Variants in TMEM178B observed in about 807,000 individuals in gnomAD.
TMEM178B encodes the protein transmembrane protein 178B.
In TMEM178B, 5 loss-of-function variants were observed where a neutral mutation model predicts 31.0. The observed-to-expected ratio is 0.16, with a 90% CI of 0.08 to 0.34. The LOEUF is 0.34. Among genes scored for constraint, TMEM178B ranks in the 10% least tolerant of loss-of-function variants. The pLI is 1.00. For synonymous variants in TMEM178B, 164 were observed against 164.0 expected (o/e 1.00, Z 0.00); for missense variants, 275 against 400.3 (o/e 0.69, Z 2.67).
intron 2 of TMEM178B, among the ~76,000 whole-genome samples, chr7:141,340,621 C>T (rs942424953): frequency 6.6e-6 from 1 of 152,200 alleles, no homozygotes; most frequent in Non-Finnish European, 1.5e-5. Context: ...GTTGGTAACA[C>T]AGTCTTCATT....
At chr7:141,312,035 A>G (rs1798918735) in intron 2 of TMEM178B, among the ~76,000 whole-genome samples, 1 of 152,158 alleles carries the variant, frequency 6.6e-6, no homozygotes, top group Admixed American at 6.5e-5. Context: ...TGCCATCCCT[A>G]CCTCAAGGTG....
intron 2 of TMEM178B, among the ~76,000 whole-genome samples, chr7:141,355,338 C>T (rs566141029): frequency 6.6e-6 from 1 of 152,318 alleles, no homozygotes; most frequent in Admixed American, 6.5e-5. Context: ...ACCAGTCAGG[C>T]TTCCCTCCTT....
In TMEM178B at chr7:141,246,567, G is replaced by C. The variant is rs375821672; in HGVS notation, c.496+33863G>C. ...GAATTCAAAATAAGTATTTTTTTAA[G>C]GGGTAGAGAAACCAGAGATGGCTTC... On this transcript the variant is annotated intron_variant, in intron 2 of 3. Transcript: ENST00000565468. Among the ~76,000 whole-genome samples, 22 of 152,226 alleles carry C rather than the reference G, an allele frequency of 1.4e-4. No individual in the cohort carries two copies. The South Asian group carries it at 4.4e-3, about 30-fold the overall frequency.
chr7:141,214,837 AAG>A (rs1797105539), intron 2 of TMEM178B, among the ~76,000 whole-genome samples: 6 of 152,010 alleles, frequency 3.9e-5, no homozygotes, highest in Admixed American at 3.9e-4. Flanking sequence ...TAACTGATAA[AAG>A]CCATCTCAAC....
At chr7:141,211,933 C>G (rs976113921) in intron 1 of TMEM178B, among the ~76,000 whole-genome samples, 3 of 152,198 alleles carry the variant, frequency 2.0e-5, no homozygotes, top group African/African-American at 7.2e-5. Context: ...TGGGACCACA[C>G]TTTGAGAATC....
In TMEM178B at chr7:141,449,477, C is replaced by T. The variant is rs557409592; in HGVS notation, c.634+11732C>T. ...TCTGCCCTCTTGAGGCTTTTTGTCA[C>T]ATCCAATCCTTGATGGCTGAGATGT... On this transcript the variant is annotated intron_variant, in intron 3 of 3. Coordinates refer to ENST00000565468, the MANE Select transcript of TMEM178B (RefSeq NM_001195278.2). 1.3e-3 allele frequency among the ~76,000 whole-genome samples: 196 copies of T among 152,274 alleles called. 1 individual carries two copies. Among genetic ancestry groups the T allele is most frequent in the African/African-American group, 4.4e-3 (184 of 41,552 alleles).
intron 1 of TMEM178B, among the ~76,000 whole-genome samples, chr7:141,162,150 A>T (rs994943609): frequency 6.6e-6 from 1 of 152,192 alleles, no homozygotes; most frequent in South Asian, 2.1e-4. Context: ...CAGGAACTGC[A>T]GAGAAGCCTA....
At chr7:141,382,089 C>T (rs1458595749) in intron 2 of TMEM178B, among the ~76,000 whole-genome samples, 1 of 152,218 alleles carries the variant, frequency 6.6e-6, no homozygotes, top group Non-Finnish European at 1.5e-5. Flanking sequence ...CATTATTCTC[C>T]ATAGGGAGAA....
In TMEM178B at chr7:141,344,459, G is replaced by A. The variant is rs191221221; in HGVS notation, c.497-93149G>A. On this transcript the variant is annotated intron_variant, in intron 2 of 3. Transcript: ENST00000565468. This position sits in a 1 kb window ranked among gnomAD's most constrained non-coding sequence, Gnocchi z 4.1. ...TCTGCTTTATAATGAAAAGTTATAA[G>A]TTTCTCACACATTTTAGGCACTCTT... 6.6e-6 allele frequency among the ~76,000 whole-genome samples: 1 copy of A among 152,298 alleles called. No individual in the cohort carries two copies. Among genetic ancestry groups the A allele is most frequent in the Non-Finnish European group, 1.5e-5 (1 of 68,020 alleles).
At chr7:141,217,879 C>G (rs1797185513) in intron 2 of TMEM178B, among the ~76,000 whole-genome samples, 1 of 152,126 alleles carries the variant, frequency 6.6e-6, no homozygotes, top group African/African-American at 2.4e-5. Context: ...TGGAGCTCTA[C>G]TTTCCTGCAA....
chr7:141,239,654 G>A (rs112538378), intron 2 of TMEM178B, among the ~76,000 whole-genome samples: 69 of 152,300 alleles, frequency 4.5e-4, no homozygotes, highest in African/African-American at 1.5e-3. Flanking sequence ...CACCACAGGG[G>A]GTGATGAGAG....
chr7:141,314,140 C>G (rs1798960658), intron 2 of TMEM178B, among the ~76,000 whole-genome samples: 1 of 152,188 alleles, frequency 6.6e-6, no homozygotes, highest in African/African-American at 2.4e-5. Flanking sequence ...GCTTGGAAAC[C>G]CAGGAGATTT....
chr7:141,240,074 C>T (rs930625824), intron 2 of TMEM178B, among the ~76,000 whole-genome samples: 1 of 152,072 alleles, frequency 6.6e-6, no homozygotes, highest in African/African-American at 2.4e-5. Flanking sequence ...TTATTTTGTA[C>T]TAGGTCTTTG....
At chr7:141,297,527 C>T (rs1798655710) in intron 2 of TMEM178B, among the ~76,000 whole-genome samples, 1 of 152,172 alleles carries the variant, frequency 6.6e-6, no homozygotes, top group Non-Finnish European at 1.5e-5. Flanking sequence ...CCACAACAGG[C>T]CCCAGTGTGT....
chr7:141,309,578 T>G (rs942046356), intron 2 of TMEM178B, among the ~76,000 whole-genome samples: 1 of 152,190 alleles, frequency 6.6e-6, no homozygotes, highest in South Asian at 2.1e-4. Flanking sequence ...TTTTCCACTT[T>G]GATAGATTAG....
the TMEM178B span, among the ~76,000 whole-genome samples, chr7:141,507,130 T>C: frequency 6.6e-6 from 1 of 152,188 alleles, no homozygotes; most frequent in Non-Finnish European, 1.5e-5. Flanking sequence ...CTGCAGCTTT[T>C]CTAGGTGCAC....
intron 3 of TMEM178B, among the ~76,000 whole-genome samples, chr7:141,443,482 T>C (rs550604121): frequency 1.3e-5 from 2 of 152,320 alleles, no homozygotes; most frequent in Admixed American, 6.5e-5. Flanking sequence ...TCAGGCATAT[T>C]GTAGAATGCT....
At chr7:141,246,742 C>T (rs551134280) in intron 2 of TMEM178B, among the ~76,000 whole-genome samples, 5 of 152,076 alleles carry the variant, frequency 3.3e-5, no homozygotes, top group South Asian at 2.1e-4. Flanking sequence ...TGTAGAGAAA[C>T]GAAGGATGAG....
chr7:141,240,729 A>C (rs1386397974), intron 2 of TMEM178B, among the ~76,000 whole-genome samples: 1 of 152,212 alleles, frequency 6.6e-6, no homozygotes, highest in Non-Finnish European at 1.5e-5. Flanking sequence ...AGCTGTGTGC[A>C]CTGTTTTGCT....
Sources: allele counts gnomAD v4.1 joint callset (sites outside exome capture counted in the v4.1 genomes callset), GRCh38; gene constraint gnomAD v4.1.1; non-coding constraint Gnocchi (gnomAD v3.1); transcripts MANE v1.5; gene names NCBI Gene and HGNC (gene_info 2026-07-23, HGNC 2026-07-21).